The following TBC1D5 variants were observed in gnomAD, a reference collection of about 807,000 sequenced individuals.
TBC1D5 encodes TBC1 domain family member 5.
In TBC1D5, 75 loss-of-function variants were observed where a neutral mutation model predicts 100.3. The ratio of observed to expected loss-of-function variants is 0.75; its 90% CI spans 0.62 to 0.91. The LOEUF is 0.91. Ranked by LOEUF, TBC1D5 falls within the 40% of genes least tolerant of loss-of-function variation. TBC1D5 has a pLI of 0.00. For missense variants in TBC1D5, 910 were observed against 942.4 expected (o/e 0.97, Z 0.45); for synonymous variants, 323 against 325.6 (o/e 0.99, Z 0.09).
chr3:17,296,627 C>T (rs551604414), intron 14 of TBC1D5, among the ~76,000 whole-genome samples: 3 of 152,302 alleles, frequency 2.0e-5, no homozygotes, highest in African/African-American at 7.2e-5. Context: ...TCATATCCCC[C>T]ACAAAAAGTG....
At chr3:17,553,538 G>A (rs1468679381) in intron 2 of TBC1D5, among the ~76,000 whole-genome samples, 1 of 152,126 alleles carries the variant, frequency 6.6e-6, no homozygotes, top group Non-Finnish European at 1.5e-5. Flanking sequence ...ACATATATAT[G>A]TACATGTCCC....
Position 17,247,699 on chromosome 3 carries a change from A to G in TBC1D5, c.1332-9280T>C, listed in dbSNP as rs561150076. ...GATGCTATTTGATAGCATTTTACCC[A>G]CAGCAGAACTTCTTTAAAATTGGAG... On this transcript the variant is annotated intron_variant, in intron 16 of 21. Transcript: ENST00000253692. Among the ~76,000 whole-genome samples, 6 of 152,366 alleles carry G rather than the reference A, an allele frequency of 3.9e-5. No homozygotes were observed. In the East Asian group the frequency reaches 1.2e-3, roughly 29 times the overall value.
At chr3:17,261,304 T>C (rs1026267912) in intron 15 of TBC1D5, among the ~76,000 whole-genome samples, 1 of 152,136 alleles carries the variant, frequency 6.6e-6, no homozygotes, top group African/African-American at 2.4e-5. Context: ...GTTCAAATCA[T>C]TGTTAAAAAT....
At chr3:17,185,015 TA>T (rs1182772706) in intron 19 of TBC1D5, 93 bp downstream of exon 20, 5 of 1,053,540 alleles carry the variant, frequency 4.7e-6, no homozygotes, top group African/African-American at 3.2e-5. Flanking sequence ...GTAATTCATG[TA>T]AACAGCTTAG....
intron 8 of TBC1D5, 73 bp downstream of exon 8, chr3:17,403,108 T>C: frequency 1.5e-6 from 2 of 1,306,092 alleles, no homozygotes; most frequent in Non-Finnish European, 2.1e-6. Flanking sequence ...GCAGATTTTG[T>C]GTTTTGTTAA....
At chr3:17,483,502 C>A (rs1291735335) in intron 3 of TBC1D5, among the ~76,000 whole-genome samples, 4 of 152,150 alleles carry the variant, frequency 2.6e-5, no homozygotes, top group African/African-American at 9.7e-5. Flanking sequence ...CAATCCATAA[C>A]CAAAATTTCT....
chr3:17,642,418 AT>A (rs1342171342), intron 1 of TBC1D5, among the ~76,000 whole-genome samples: 1 of 152,146 alleles, frequency 6.6e-6, no homozygotes, highest in Non-Finnish European at 1.5e-5. Context: ...GAAAAAGGAG[AT>A]TGAGAAAGAC....
chr3:17,170,080 G>A (rs562277509), intron 19 of TBC1D5, among the ~76,000 whole-genome samples: 6 of 152,312 alleles, frequency 3.9e-5, no homozygotes, highest in East Asian at 3.9e-4. Context: ...AACAGGCCAC[G>A]GGCCAGTACT....
At chr3:17,441,091 A>T (rs1036573013) in intron 3 of TBC1D5, among the ~76,000 whole-genome samples, 2 of 152,240 alleles carry the variant, frequency 1.3e-5, no homozygotes, top group Non-Finnish European at 2.9e-5. Context: ...AGTTATCAAC[A>T]TTGATGATAC....
chr3:17,507,018 A>AAAAC (rs1286014094), intron 3 of TBC1D5, among the ~76,000 whole-genome samples: 2 of 152,078 alleles, frequency 1.3e-5, no homozygotes, highest in Non-Finnish European at 2.9e-5. Context: ...TCCGTCTCAA[A>AAAAC]AAACAAACAA....
At chr3:17,673,798 C>T (rs1336155478) in intron 1 of TBC1D5, among the ~76,000 whole-genome samples, 1 of 152,148 alleles carries the variant, frequency 6.6e-6, no homozygotes. Context: ...AAAAATTCTA[C>T]CCTCTTTTCA....
chr3:17,541,053 T>C (rs371473793), intron 2 of TBC1D5, among the ~76,000 whole-genome samples: 3 of 152,020 alleles, frequency 2.0e-5, no homozygotes, highest in African/African-American at 7.2e-5. Flanking sequence ...CTGTTTTGAT[T>C]ACTGTAGCTT....
At chr3:17,731,869 T>G (rs538331795) in intron 1 of TBC1D5, among the ~76,000 whole-genome samples, 1 of 152,272 alleles carries the variant, frequency 6.6e-6, no homozygotes, top group South Asian at 2.1e-4. Flanking sequence ...AACACACACT[T>G]GTAAAGATTT....
chr3:17,542,806 A>C (rs890030709), intron 2 of TBC1D5, among the ~76,000 whole-genome samples: 3 of 152,268 alleles, frequency 2.0e-5, no homozygotes, highest in African/African-American at 4.8e-5. Context: ...CCAGGAACAA[A>C]TCCCACTTGG....
At chr3:17,210,429 C>T (rs1317241736) in intron 18 of TBC1D5, among the ~76,000 whole-genome samples, 1 of 152,020 alleles carries the variant, frequency 6.6e-6, no homozygotes, top group Non-Finnish European at 1.5e-5. Context: ...CTCAGGTGAT[C>T]CACCTGCCTC....
At chr3:17,454,705 C>CG (rs1480622745) in intron 3 of TBC1D5, among the ~76,000 whole-genome samples, 1 of 152,138 alleles carries the variant, frequency 6.6e-6, no homozygotes, top group African/African-American at 2.4e-5. Flanking sequence ...CGTGATCCGC[C>CG]TGCCTCGGCA....
intron 9 of TBC1D5, among the ~76,000 whole-genome samples, chr3:17,380,121 C>A (rs1287731053): frequency 6.7e-6 from 1 of 149,390 alleles, no homozygotes; most frequent in East Asian, 2.0e-4. Context: ...ACAGGCCCAG[C>A]ACAAATAAGG....
chr3:17,686,206 C>G (rs1409760289), intron 1 of TBC1D5, among the ~76,000 whole-genome samples: 1 of 152,108 alleles, frequency 6.6e-6, no homozygotes, highest in Non-Finnish European at 1.5e-5. Flanking sequence ...TTAACTGTTA[C>G]AATCTGAATG....
chr3:17,609,879 T>A (rs2061559199), intron 2 of TBC1D5, among the ~76,000 whole-genome samples: 1 of 152,200 alleles, frequency 6.6e-6, no homozygotes, highest in Non-Finnish European at 1.5e-5. Flanking sequence ...ATTCCCTAAA[T>A]GTCTCTACCT....
Sources: gnomAD v4.1 joint callset for allele counts (sites outside exome capture counted in the v4.1 genomes callset) on GRCh38, gnomAD v4.1.1 for gene constraint, MANE v1.5 for transcripts, NCBI Gene and HGNC (gene_info 2026-07-23, HGNC 2026-07-21) for gene names.